GRB10: variants seen among roughly 807,000 people sequenced by gnomAD.
GRB10 encodes the protein growth factor receptor-bound protein 10.
Under a neutral mutation model 80.9 loss-of-function variants are expected in GRB10, and 20 were observed. The observed-to-expected ratio is 0.25, with a 90% CI of 0.17 to 0.36. The LOEUF (loss-of-function observed/expected upper bound fraction) is 0.36, where lower values mean the gene tolerates loss of function less well. Among genes scored for constraint, GRB10 ranks in the 10% least tolerant of loss-of-function variants. The pLI is 1.00. For synonymous variants in GRB10, 291 were observed against 291.5 expected (o/e 1.00, Z 0.02); for missense variants, 548 against 747.7 (o/e 0.73, Z 3.12).
At chr7:50,655,062 GTTTT>G (rs2058493372) in intron 7 of GRB10, among the ~76,000 whole-genome samples, 1 of 152,158 alleles carries the variant, frequency 6.6e-6, no homozygotes, top group Non-Finnish European at 1.5e-5. Context: ...TCAGATTTGG[GTTTT>G]GTTTTTGGCT....
At chr7:50,773,659 AT>A (rs1435430745) in intron 2 of GRB10, among the ~76,000 whole-genome samples, 1 of 152,236 alleles carries the variant, frequency 6.6e-6, no homozygotes, top group African/African-American at 2.4e-5. Flanking sequence ...AAAGCTAAGC[AT>A]AGAATTACCA....
intron 3 of GRB10, among the ~76,000 whole-genome samples, chr7:50,754,475 G>C (rs2074721524): frequency 6.6e-6 from 1 of 152,204 alleles, no homozygotes; most frequent in Non-Finnish European, 1.5e-5. Context: ...GGGAGCTGCA[G>C]GAGGCTCCAG....
intron 4 of GRB10, among the ~76,000 whole-genome samples, chr7:50,713,634 C>A (rs1270212237): frequency 7.7e-6 from 1 of 129,134 alleles, no homozygotes; most frequent in African/African-American, 2.7e-5. Flanking sequence ...CCACCATCAC[C>A]TCCACCTCCC....
intron 2 of GRB10, chr7:50,779,244 G>A (rs2078027138): frequency 1.3e-5 from 2 of 152,168 alleles, no homozygotes; most frequent in Non-Finnish European, 2.9e-5. Context: ...CTGACCAACT[G>A]CAAGCATAAC....
chr7:50,670,934 C>G (rs183647002), intron 6 of GRB10, among the ~76,000 whole-genome samples: 1 of 152,338 alleles, frequency 6.6e-6, no homozygotes, highest in East Asian at 1.9e-4. Context: ...TGGCACATCT[C>G]CAGGGGCATC....
At position 50,782,259 on chromosome 7, in the gene GRB10, C is replaced by A. The variant is rs1398285440; in HGVS notation, c.-327+165G>T. Among the ~76,000 whole-genome samples the A allele has an allele frequency of 6.6e-6, 1 of 151,664 alleles. No individual in the cohort carries two copies. The highest frequency in any genetic ancestry group is 2.4e-5 in the African/African-American group (1 of 41,400). ...CGGACTGCAGCGAGCCCGCGGCAGG[C>A]GGGCAGGGGGCCGCGCGGCAAGACC... On this transcript the variant is annotated intron_variant, in intron 1 of 18. Coordinates refer to ENST00000401949, the MANE Select transcript of GRB10 (RefSeq NM_001350814.2). This position sits in a 1 kb window ranked among gnomAD's most constrained non-coding sequence, Gnocchi z 6.6.
At chr7:50,787,268 CAGGAGGAGG>C (rs56235564), upstream of GRB10, among the ~76,000 whole-genome samples, 17 of 148,786 alleles carry the variant, frequency 1.1e-4, no homozygotes, top group South Asian at 2.2e-4. Flanking sequence ...CTCTGGAGAG[CAGGAGGAGG>C]AGGAGGAGGA....
chr7:50,659,151 G>A (rs2058961679), intron 7 of GRB10, among the ~76,000 whole-genome samples: 3 of 152,142 alleles, frequency 2.0e-5, no homozygotes, highest in Admixed American at 6.5e-5. Context: ...GAATAGGTAG[G>A]TTTTCTTTTT....
At chr7:50,771,171 C>T (rs2076945006) in intron 2 of GRB10, among the ~76,000 whole-genome samples, 1 of 152,174 alleles carries the variant, frequency 6.6e-6, no homozygotes, top group African/African-American at 2.4e-5. Flanking sequence ...TTCTTAAAAA[C>T]AATATTGAAT....
intron 17 of GRB10, 24 bp downstream of exon 17, chr7:50,603,974 C>G: frequency 6.5e-7 from 1 of 1,534,528 alleles, no homozygotes; most frequent in South Asian, 1.1e-5. Context: ...CAGATGACAG[C>G]TCTTATCAGT....
At position 50,620,120 on chromosome 7, in the gene GRB10, G is replaced by A. The variant is rs1215126697; in HGVS notation, c.662-835C>T. ...CACTGCTCCCTTTCATGGCAGTTAC[G>A]TCCCTTCCCAGGCACCTCCTCAGAA... On this transcript the variant is annotated intron_variant, in intron 8 of 18. Transcript: ENST00000401949. Among the ~76,000 whole-genome samples, 7 of 152,148 alleles carry A rather than the reference G, an allele frequency of 4.6e-5. No individual in the cohort carries two copies. In the South Asian group the frequency reaches 6.2e-4, roughly 13 times the overall value.
upstream of GRB10, among the ~76,000 whole-genome samples, chr7:50,784,761 A>G (rs190751869): frequency 9.8e-5 from 15 of 152,372 alleles, no homozygotes; most frequent in East Asian, 2.9e-3. Flanking sequence ...AACTGACAGC[A>G]AAGGCAAAAG....
chr7:50,714,776 G>A (rs1408579620), intron 4 of GRB10, among the ~76,000 whole-genome samples: 1 of 151,966 alleles, frequency 6.6e-6, no homozygotes, highest in Non-Finnish European at 1.5e-5. Flanking sequence ...CAAGCTTCTC[G>A]TTTTCTCTCT....
chr7:50,615,773 CCTT>C (rs1216562703), intron 11 of GRB10, among the ~76,000 whole-genome samples: 2 of 152,142 alleles, frequency 1.3e-5, no homozygotes, highest in African/African-American at 4.8e-5. Context: ...CCATCTCCCA[CCTT>C]CTTCTCACTG....
intron 2 of GRB10, among the ~76,000 whole-genome samples, chr7:50,759,790 G>T (rs2075552468): frequency 6.6e-6 from 1 of 152,128 alleles, no homozygotes; most frequent in Admixed American, 6.5e-5. Flanking sequence ...CCAGTCATCT[G>T]CCCAATCCCA....
At chr7:50,640,410 G>A (rs1395034842) in intron 7 of GRB10, among the ~76,000 whole-genome samples, 2 of 152,218 alleles carry the variant, frequency 1.3e-5, no homozygotes, top group Non-Finnish European at 2.9e-5. Flanking sequence ...ACATCATGGA[G>A]GAAGCCTGTG....
At chr7:50,747,024 G>A (rs1467967157) in intron 3 of GRB10, among the ~76,000 whole-genome samples, 1 of 152,200 alleles carries the variant, frequency 6.6e-6, no homozygotes, top group Non-Finnish European at 1.5e-5. Flanking sequence ...CTCTGCAAGT[G>A]TTGACAAAGC....
intron 4 of GRB10, among the ~76,000 whole-genome samples, chr7:50,707,421 GCTGCCCGCT>G (rs2065189950): frequency 6.6e-6 from 1 of 152,184 alleles, no homozygotes; most frequent in African/African-American, 2.4e-5. Flanking sequence ...GTTCCACAGA[GCTGCCCGCT>G]CCCGGGCCGG....
chr7:50,733,335 C>T (rs180967345), intron 3 of GRB10, among the ~76,000 whole-genome samples: 53 of 152,296 alleles, frequency 3.5e-4, no homozygotes, highest in Admixed American at 1.5e-3. Context: ...TAAGTCCCCT[C>T]GCCCCCTCCC....
Sources: gnomAD v4.1 joint callset for allele counts (sites outside exome capture counted in the v4.1 genomes callset) on GRCh38, gnomAD v4.1.1 for gene constraint, Gnocchi (gnomAD v3.1) non-coding constraint, MANE v1.5 for transcripts, NCBI Gene and HGNC (gene_info 2026-07-23, HGNC 2026-07-21) for gene names.